PTPRD: variants seen among roughly 807,000 people sequenced by gnomAD.
The protein encoded by PTPRD is protein tyrosine phosphatase receptor type D.
In PTPRD, 34 loss-of-function variants were observed where a neutral mutation model predicts 214.5. The ratio of observed to expected loss-of-function variants is 0.16; its 90% CI spans 0.12 to 0.21. PTPRD has a LOEUF of 0.21. Ranked by LOEUF, PTPRD falls within the 10% of genes least tolerant of loss-of-function variation. PTPRD has a pLI of 1.00. For missense variants in PTPRD, 2,545 were observed against 2,398.7 expected (o/e 1.06, Z -1.27); for synonymous variants, 1,128 against 845.7 (o/e 1.33, Z -5.79).
intron 3 of PTPRD, among the ~76,000 whole-genome samples, chr9:10,106,683 T>C (rs993912721): frequency 6.6e-6 from 1 of 151,864 alleles, no homozygotes; most frequent in African/African-American, 2.4e-5. Flanking sequence ...TTGAGATGTA[T>C]TTAGAAAAAA....
intron 4 of PTPRD, among the ~76,000 whole-genome samples, chr9:9,982,297 C>T (rs972690868): frequency 6.6e-6 from 1 of 152,104 alleles, no homozygotes; most frequent in East Asian, 1.9e-4. Context: ...CCCATATTTT[C>T]CATATGGATG....
At chr9:8,901,214 A>G (rs2098666359) in intron 11 of PTPRD, among the ~76,000 whole-genome samples, 1 of 152,122 alleles carries the variant, frequency 6.6e-6, no homozygotes, top group African/African-American at 2.4e-5. Context: ...CCACGACACA[A>G]ATCTAACATT....
chr9:9,040,314 A>G (rs2099635633), intron 10 of PTPRD, among the ~76,000 whole-genome samples: 1 of 152,204 alleles, frequency 6.6e-6, no homozygotes, highest in Admixed American at 6.6e-5. Context: ...ACTGCCTGGC[A>G]GAGTCTTCTG....
intron 9 of PTPRD, among the ~76,000 whole-genome samples, chr9:9,307,795 G>C (rs1957600179): frequency 6.6e-6 from 1 of 152,128 alleles, no homozygotes; most frequent in African/African-American, 2.4e-5. Flanking sequence ...TCTATCATTT[G>C]TTAATTGACC....
chr9:10,182,479 A>C (rs754712661), intron 3 of PTPRD, among the ~76,000 whole-genome samples: 1 of 152,022 alleles, frequency 6.6e-6, no homozygotes, highest in South Asian at 2.1e-4. Context: ...TAAGTATAAC[A>C]ATCATAATAA....
At chr9:8,866,255 G>T (rs1404173143) in intron 11 of PTPRD, among the ~76,000 whole-genome samples, 3 of 152,084 alleles carry the variant, frequency 2.0e-5, no homozygotes, top group African/African-American at 7.2e-5. Flanking sequence ...GTTAGTGCTT[G>T]TTTTATAAAT....
intron 3 of PTPRD, among the ~76,000 whole-genome samples, chr9:10,228,203 T>A (rs4143460): frequency 7.2e-5 from 11 of 151,796 alleles, no homozygotes. Context: ...GGAAGAGATA[T>A]GTGCCTCTAT....
chr9:9,396,241 C>G (rs1006349284), intron 9 of PTPRD, among the ~76,000 whole-genome samples: 1 of 151,926 alleles, frequency 6.6e-6, no homozygotes, highest in Non-Finnish European at 1.5e-5. Context: ...ATTGAAGTCC[C>G]TTGGGGAGCC....
intron 3 of PTPRD, among the ~76,000 whole-genome samples, chr9:10,242,363 T>C (rs1270451142): frequency 6.6e-6 from 1 of 152,006 alleles, no homozygotes; most frequent in East Asian, 1.9e-4. Flanking sequence ...TTCACTGCAG[T>C]AGGCCAAAAG....
At chr9:9,214,081 A>G (rs1252471209) in intron 9 of PTPRD, among the ~76,000 whole-genome samples, 2 of 152,154 alleles carry the variant, frequency 1.3e-5, no homozygotes, top group Non-Finnish European at 2.9e-5. Flanking sequence ...CAAGATGGTA[A>G]CCATGGAAGA....
intron 5 of PTPRD, among the ~76,000 whole-genome samples, chr9:9,804,308 C>G (rs2099059930): frequency 6.6e-6 from 1 of 152,030 alleles, no homozygotes; most frequent in Non-Finnish European, 1.5e-5. Flanking sequence ...TTTCCCATCC[C>G]TAAAGCCCGC....
rs115041244 is a variant in PTPRD at position 9,929,870 on chromosome 9, C to T, written c.-368+8637G>A. On this transcript the variant is annotated intron_variant, in intron 5 of 45. Transcript: ENST00000381196. ...GAGAATATGAGTTATTTTGAAATTACAGCTGGTCTGTTTTCTTTTGCCATA... is the reference window on the plus strand; with the variant it reads ...GAGAATATGAGTTATTTTGAAATTATAGCTGGTCTGTTTTCTTTTGCCATA... Among the ~76,000 whole-genome samples, 589 of 152,286 alleles carry T rather than the reference C, an allele frequency of 3.9e-3. 2 individuals carry two copies. The highest frequency in any genetic ancestry group is 0.013 in the African/African-American group (552 of 41,554).
intron 7 of PTPRD, among the ~76,000 whole-genome samples, chr9:9,700,361 A>G (rs1270928135): frequency 6.6e-6 from 1 of 152,142 alleles, no homozygotes; most frequent in Non-Finnish European, 1.5e-5. Flanking sequence ...AATGAACAAC[A>G]GCAATATACA....
chr9:10,113,523 T>A (rs1390894675), intron 3 of PTPRD, among the ~76,000 whole-genome samples: 1 of 152,128 alleles, frequency 6.6e-6, no homozygotes, highest in African/African-American at 2.4e-5. Context: ...GGATGCCATG[T>A]TTTTCAAACT....
chr9:8,728,860 A>C (rs1312486888), intron 12 of PTPRD, among the ~76,000 whole-genome samples: 2 of 152,094 alleles, frequency 1.3e-5, no homozygotes, highest in Admixed American at 1.3e-4. Flanking sequence ...GGGGCCTGTA[A>C]TCCCAGCTAC....
chr9:9,156,155 G>C (rs2099881005), intron 10 of PTPRD, among the ~76,000 whole-genome samples: 1 of 152,068 alleles, frequency 6.6e-6, no homozygotes, highest in South Asian at 2.1e-4. Flanking sequence ...TGTTTTAAAA[G>C]GGTTCTGAGA....
intron 10 of PTPRD, among the ~76,000 whole-genome samples, chr9:9,139,147 A>C (rs1169891348): frequency 6.9e-6 from 1 of 144,106 alleles, no homozygotes; most frequent in Non-Finnish European, 1.5e-5. Context: ...TGAGACTCCT[A>C]GTGAATACCT....
At chr9:8,986,996 G>A (rs982777672) in intron 11 of PTPRD, among the ~76,000 whole-genome samples, 1 of 151,770 alleles carries the variant, frequency 6.6e-6, no homozygotes, top group Non-Finnish European at 1.5e-5. Flanking sequence ...CTTGCTTCCT[G>A]GTTTATATTT....
intron 9 of PTPRD, among the ~76,000 whole-genome samples, chr9:9,291,917 A>T (rs1346457052): frequency 6.6e-6 from 1 of 150,540 alleles, no homozygotes. Flanking sequence ...TCTCAAATGA[A>T]TGTCATGTAT....
Sources: gnomAD v4.1 joint callset for allele counts (sites outside exome capture counted in the v4.1 genomes callset) on GRCh38, gnomAD v4.1.1 for gene constraint, MANE v1.5 for transcripts, NCBI Gene and HGNC (gene_info 2026-07-23, HGNC 2026-07-21) for gene names.